Variants in GTF3C2 observed in about 807,000 individuals in gnomAD.
GTF3C2 encodes the protein general transcription factor IIIC subunit 2.
GTF3C2 carries 17 observed loss-of-function variants against 117.4 expected under a neutral mutation model. That is an observed-to-expected ratio of 0.14 (90% CI 0.10 to 0.22). The LOEUF is 0.22. Among genes scored for constraint, GTF3C2 ranks in the 10% least tolerant of loss-of-function variants. GTF3C2 has a pLI of 1.00. For missense variants in GTF3C2, 888 were observed against 1,143.6 expected (o/e 0.78, Z 3.22); for synonymous variants, 437 against 427.0 (o/e 1.02, Z -0.29).
At chr2:27,335,077 C>G (rs1295776071) in intron 10 of GTF3C2, among the ~76,000 whole-genome samples, 1 of 152,208 alleles carries the variant, frequency 6.6e-6, no homozygotes, top group Non-Finnish European at 1.5e-5. Context: ...GTGCCCTCTT[C>G]TTTAAATACT....
intron 1 of GTF3C2, among the ~76,000 whole-genome samples, chr2:27,353,703 A>C (rs188947930): frequency 1.2e-4 from 18 of 152,010 alleles, no homozygotes; most frequent in Admixed American, 2.6e-4. Flanking sequence ...CCTCCCAATC[A>C]ACTTAGTTTT....
intron 1 of GTF3C2, among the ~76,000 whole-genome samples, chr2:27,347,854 C>T (rs757324691): frequency 7.2e-5 from 11 of 152,196 alleles, no homozygotes; most frequent in Non-Finnish European, 1.5e-4. Context: ...GAGTTTAGGG[C>T]AGGACCCAGT....
intron 4 of GTF3C2, chr2:27,338,259 A>G (rs1186387504): frequency 4.1e-6 from 2 of 492,404 alleles, no homozygotes; most frequent in Non-Finnish European, 7.4e-6. Flanking sequence ...CTTCCTCAAC[A>G]TCTCCATGGT....
chr2:27,344,538 T>C (rs1293054400), intron 1 of GTF3C2, among the ~76,000 whole-genome samples: 1 of 152,098 alleles, frequency 6.6e-6, no homozygotes, highest in East Asian at 1.9e-4. Context: ...AAAATTTGTC[T>C]AGCATGAATC....
At chr2:27,343,381 A>G in exon 2 of GTF3C2, 1 of 1,614,058 alleles carries the variant, frequency 6.2e-7, no homozygotes. Flanking sequence ...CCTCAAATCC[A>G]GGCAAAGGGG....
intron 7 of GTF3C2, chr2:27,336,742 G>A: frequency 3.2e-6 from 1 of 309,880 alleles, no homozygotes; most frequent in Non-Finnish European, 6.0e-6. Flanking sequence ...TGGAGTAGCT[G>A]GGACTACAGG....
At chr2:27,346,132 T>A (rs1254705276) in intron 1 of GTF3C2, among the ~76,000 whole-genome samples, 1 of 147,692 alleles carries the variant, frequency 6.8e-6, no homozygotes, top group Non-Finnish European at 1.5e-5. Context: ...CAAGCAATCC[T>A]CCTGCCTCAG....
chr2:27,336,508 T>C lies in GTF3C2; in HGVS notation c.1128-83A>G. 3 of 797,256 alleles carry C rather than the reference T, an allele frequency of 3.8e-6. No homozygotes were observed. The South Asian group carries it at 4.7e-5, about 13-fold the overall frequency. The allele number at this position is 797,256 out of a possible 1,614,324, so 49.4% of individuals were successfully genotyped here. Reference sequence around the variant, plus strand: ...GAATGGGCGCTCCACCCAGAGCCAGTATGAACTGGCTCAAGCAAGAGCCTG... The same window carrying C: ...GAATGGGCGCTCCACCCAGAGCCAGCATGAACTGGCTCAAGCAAGAGCCTG... On this transcript the variant is annotated intron_variant, in intron 7 of 18. Coordinates refer to ENST00000264720, the Ensembl canonical transcript of GTF3C2.
intron 1 of GTF3C2, 148 bp downstream of exon 1, chr2:27,356,591 T>G (rs373181297): frequency 6.1e-6 from 1 of 164,384 alleles, no homozygotes; most frequent in African/African-American, 2.4e-5. Context: ...TGGTGCTCTG[T>G]AGGAGCGCAG....
chr2:27,333,914 C>T, intron 11 of GTF3C2, 60 bp downstream of exon 11: 1 of 1,470,300 alleles, frequency 6.8e-7, no homozygotes, highest in Non-Finnish European at 9.5e-7. Context: ...ACTGTGGAAT[C>T]AGCAAGGTGA....
intron 1 of GTF3C2, among the ~76,000 whole-genome samples, chr2:27,343,883 CAAAAT>C (rs769622457): frequency 8.1e-4 from 123 of 151,168 alleles, no homozygotes; most frequent in Middle Eastern, 3.4e-3. Context: ...CCTTCTCTAG[CAAAAT>C]AAAATAAAAT....
At chr2:27,335,890 G>T in intron 9 of GTF3C2, 27 bp downstream of exon 9, 1 of 1,429,116 alleles carries the variant, frequency 7.0e-7, no homozygotes, top group Non-Finnish European at 9.9e-7. Context: ...GAGTCCTAGG[G>T]CCATCCCACA....
intron 10 of GTF3C2, 63 bp from the exon 11 acceptor site, chr2:27,334,062 G>A: frequency 7.9e-7 from 1 of 1,271,090 alleles, no homozygotes. Flanking sequence ...GTCTTACTCT[G>A]TCACCCAGGC....
intron 7 of GTF3C2, 176 bp downstream of exon 7, chr2:27,337,068 T>A (rs560682288): frequency 3.3e-6 from 2 of 609,492 alleles, no homozygotes; most frequent in Non-Finnish European, 6.0e-6. Context: ...AGCCTGCCAG[T>A]AATGAACACT....
rs892697704 is a variant in GTF3C2, at chr2:27,351,199, G to A, written c.-25+5540C>T. On this transcript the variant is annotated intron_variant, in intron 1 of 18. Coordinates refer to ENST00000264720, the Ensembl canonical transcript of GTF3C2. The stretch of plus-strand genomic sequence containing the variant: ...GGCTGAAGAGGGCGGATCACCTAAG[G>A]TCAGGAGTTTGAGACCAGCTTGGCT... Among the ~76,000 whole-genome samples, 5 of 152,078 alleles carry A rather than the reference G, an allele frequency of 3.3e-5. No homozygotes were observed. The South Asian group carries it at 6.2e-4, about 19-fold the overall frequency.
At chr2:27,328,750 C>G in intron 15 of GTF3C2, 94 bp downstream of exon 15, 1 of 1,089,864 alleles carries the variant, frequency 9.2e-7, no homozygotes, top group Non-Finnish European at 1.4e-6. Context: ...CCTATCTTCT[C>G]CTTCTACCCA....
chr2:27,338,007 T>G, exon 5 of GTF3C2: 1 of 1,608,020 alleles, frequency 6.2e-7, no homozygotes, highest in Non-Finnish European at 8.5e-7. Context: ...TCCTCGGCAG[T>G]GTGGTTTCTG....
intron 12 of GTF3C2, among the ~76,000 whole-genome samples, chr2:27,333,435 GT>G (rs1680348125): frequency 6.6e-6 from 1 of 151,896 alleles, no homozygotes; most frequent in Non-Finnish European, 1.5e-5. Flanking sequence ...GATTATAGGC[GT>G]GAGCTACCGC....
chr2:27,349,547 C>T (rs534610393), intron 1 of GTF3C2, among the ~76,000 whole-genome samples: 2 of 152,026 alleles, frequency 1.3e-5, no homozygotes, highest in African/African-American at 2.4e-5. Flanking sequence ...CTAAAATGTA[C>T]AGGGCAAAAT....
Sources: allele counts gnomAD v4.1 joint callset (sites outside exome capture counted in the v4.1 genomes callset), GRCh38; gene constraint gnomAD v4.1.1; transcripts MANE v1.5; gene names NCBI Gene and HGNC (gene_info 2026-07-23, HGNC 2026-07-21).